CENPP: variants seen among roughly 807,000 people sequenced by gnomAD.
The protein encoded by CENPP is centromere protein P.
Under a neutral mutation model 35.6 loss-of-function variants are expected in CENPP, and 24 were observed. The observed-to-expected ratio is 0.67, with a 90% CI of 0.49 to 0.95. CENPP has a LOEUF of 0.95. Among genes scored for constraint, CENPP ranks in the 40% least tolerant of loss-of-function variants. The pLI is 0.00. For missense variants in CENPP, 332 were observed against 345.3 expected, an observed-to-expected ratio of 0.96 and a Z score of 0.31; for synonymous variants, 120 against 125.5, an observed-to-expected ratio of 0.96 and a Z score of 0.29.
chr9:92,380,276 T>C (rs542087923), intron 5 of CENPP, among the ~76,000 whole-genome samples: 2 of 152,372 alleles, frequency 1.3e-5, no homozygotes, highest in East Asian at 3.9e-4. Context: ...CAAAGCCTGA[T>C]TCTTGCGAAG....
At chr9:92,363,365 C>T (rs1288266705) in intron 4 of CENPP, among the ~76,000 whole-genome samples, 1 of 152,164 alleles carries the variant, frequency 6.6e-6, no homozygotes, top group Non-Finnish European at 1.5e-5. Flanking sequence ...AAGGTAGTCT[C>T]ATGATTACAT....
intron 5 of CENPP, among the ~76,000 whole-genome samples, chr9:92,453,558 G>A (rs1451696851): frequency 1.3e-5 from 2 of 151,766 alleles, no homozygotes; most frequent in African/African-American, 2.4e-5. Flanking sequence ...GTGTGGTGCT[G>A]AAAAAAAAGT....
chr9:92,460,207 G>A (rs756501487), intron 5 of CENPP, among the ~76,000 whole-genome samples: 7 of 151,750 alleles, frequency 4.6e-5, no homozygotes, highest in East Asian at 3.9e-4. Flanking sequence ...GCTAATTTTC[G>A]TATTTTTTAG....
intron 5 of CENPP, among the ~76,000 whole-genome samples, chr9:92,485,699 CAG>C (rs1194818020): frequency 1.3e-5 from 2 of 152,166 alleles, no homozygotes; most frequent in Non-Finnish European, 1.5e-5. Context: ...GATTGATTGA[CAG>C]AGTCTCACTC....
At chr9:92,460,563 T>A in intron 5 of CENPP, 1 of 1,537,080 alleles carries the variant, frequency 6.5e-7, no homozygotes, top group Non-Finnish European at 9.0e-7. Context: ...AAGTTGGTGG[T>A]AAGCCTAATA....
At chr9:92,331,094 G>A (rs1001166849) in intron 1 of CENPP, among the ~76,000 whole-genome samples, 2 of 152,152 alleles carry the variant, frequency 1.3e-5, no homozygotes, top group African/African-American at 2.4e-5. Flanking sequence ...TTCTTTTTCC[G>A]ATAAATCTCT....
rs1334020688 is a variant in CENPP, at chr9:92,593,056, C to T, written c.565-18258C>T. On this transcript the variant is annotated intron_variant, in intron 5 of 7. Transcript: ENST00000375587. This position sits in a 1 kb window ranked among gnomAD's most constrained non-coding sequence, Gnocchi z 4.1. Reference sequence around the variant, plus strand: ...ACAACCAGAGCTGCTGGCCCCAGGGCTGGAGGCTTCTCTCCCACTGTGTGA... The same window carrying T: ...ACAACCAGAGCTGCTGGCCCCAGGGTTGGAGGCTTCTCTCCCACTGTGTGA... Among the ~76,000 whole-genome samples the T allele has an allele frequency of 6.6e-6, 1 of 152,192 alleles. No homozygotes were observed. Among genetic ancestry groups the T allele is most frequent in the Non-Finnish European group, 1.5e-5 (1 of 68,026 alleles).
At chr9:92,367,985 C>CT (rs1841928319) in intron 4 of CENPP, among the ~76,000 whole-genome samples, 1 of 152,280 alleles carries the variant, frequency 6.6e-6, no homozygotes, top group East Asian at 1.9e-4. Context: ...TTAGTTGTTG[C>CT]TTTTTTTAAA....
intron 5 of CENPP, among the ~76,000 whole-genome samples, chr9:92,484,596 T>C (rs1564347675): frequency 6.6e-6 from 1 of 152,212 alleles, no homozygotes; most frequent in Non-Finnish European, 1.5e-5. Context: ...TTAGGTGAAA[T>C]TGCTGTATTT....
intron 5 of CENPP, among the ~76,000 whole-genome samples, chr9:92,406,951 C>T (rs1843323467): frequency 6.6e-6 from 1 of 152,098 alleles, no homozygotes; most frequent in African/African-American, 2.4e-5. Flanking sequence ...TGATAATTCC[C>T]TAGAAGAACT....
At chr9:92,471,199 CTTT>C (rs373674313) in intron 5 of CENPP, among the ~76,000 whole-genome samples, 3 of 140,804 alleles carry the variant, frequency 2.1e-5, no homozygotes. Context: ...ATTTTTCTTT[CTTT>C]TTTTTTTTTT....
chr9:92,477,052 T>A (rs2131091376), intron 5 of CENPP, among the ~76,000 whole-genome samples: 1 of 152,314 alleles, frequency 6.6e-6, no homozygotes, highest in Admixed American at 6.5e-5. Flanking sequence ...ATTTGTGTAG[T>A]ACTGGGTGAG....
At chr9:92,417,412 T>C (rs777037545) in intron 5 of CENPP, 2 of 1,614,102 alleles carry the variant, frequency 1.2e-6, no homozygotes, top group South Asian at 2.2e-5. Flanking sequence ...CTCCGTAGTC[T>C]ACATTTTGAC....
At chr9:92,459,865 G>C in intron 5 of CENPP, 1 of 1,043,082 alleles carries the variant, frequency 9.6e-7, no homozygotes, top group Non-Finnish European at 1.4e-6. Context: ...ATATAAGCCT[G>C]TCCTATTTAT....
chr9:92,365,394 A>G (rs1030281630), intron 4 of CENPP, among the ~76,000 whole-genome samples: 16 of 143,494 alleles, frequency 1.1e-4, no homozygotes, highest in African/African-American at 3.9e-4. Flanking sequence ...TATGCCTTGT[A>G]TTATAACTAC....
intron 5 of CENPP, among the ~76,000 whole-genome samples, chr9:92,492,772 CAG>C (rs968337198): frequency 1.3e-5 from 2 of 152,174 alleles, no homozygotes; most frequent in African/African-American, 4.8e-5. Flanking sequence ...GCACCAGCCT[CAG>C]AGTCAGAAGA....
At chr9:92,485,730 G>A (rs1846039889) in intron 5 of CENPP, among the ~76,000 whole-genome samples, 1 of 152,164 alleles carries the variant, frequency 6.6e-6, no homozygotes, top group South Asian at 2.1e-4. Flanking sequence ...ATGCTGGAGT[G>A]CAGTGGTACA....
At chr9:92,340,107 T>G (rs1841063865) in intron 3 of CENPP, 1 of 153,770 alleles carries the variant, frequency 6.5e-6, no homozygotes, top group Non-Finnish European at 1.5e-5. Context: ...CCTAGCAGCC[T>G]TGCGGTCTTG....
At chr9:92,522,987 T>A in intron 5 of CENPP, 1 of 1,209,126 alleles carries the variant, frequency 8.3e-7, no homozygotes. Flanking sequence ...AGTAGGCAAG[T>A]CTTTGAGAAA....
Sources: allele counts gnomAD v4.1 joint callset (sites outside exome capture counted in the v4.1 genomes callset), GRCh38; gene constraint gnomAD v4.1.1; non-coding constraint Gnocchi (gnomAD v3.1); transcripts MANE v1.5; gene names NCBI Gene and HGNC (gene_info 2026-07-23, HGNC 2026-07-21).